Variants in MGMT observed in about 807,000 individuals in gnomAD.
The protein encoded by MGMT is O-6-methylguanine-DNA methyltransferase.
In MGMT, 14 loss-of-function variants were observed where a neutral mutation model predicts 15.9. That is an observed-to-expected ratio of 0.88 (90% CI 0.58 to 1.37). The LOEUF (loss-of-function observed/expected upper bound fraction) is 1.37. Ranked by LOEUF, MGMT falls within the 40% of genes most tolerant of loss-of-function variation. The pLI, the probability that MGMT is intolerant of heterozygous loss-of-function variation, is 0.00. For synonymous variants in MGMT, 130 were observed against 118.2 expected (o/e 1.10, Z -0.65); for missense variants, 282 against 268.1 (o/e 1.05, Z -0.36).
intron 3 of MGMT, among the ~76,000 whole-genome samples, chr10:129,724,381 G>C (rs538008525): frequency 2.0e-5 from 3 of 152,148 alleles, no homozygotes; most frequent in Non-Finnish European, 4.4e-5. Flanking sequence ...CTGCTTCTGG[G>C]GTTGTGCAGG....
At chr10:129,498,645 C>A (rs534828863) in intron 1 of MGMT, among the ~76,000 whole-genome samples, 13 of 152,256 alleles carry the variant, frequency 8.5e-5, no homozygotes, top group Admixed American at 2.0e-4. Flanking sequence ...TTGGGTTTGG[C>A]TCCTATGTCT....
At chr10:129,503,153 C>T (rs1845591713) in intron 1 of MGMT, among the ~76,000 whole-genome samples, 2 of 151,036 alleles carry the variant, frequency 1.3e-5, no homozygotes, top group African/African-American at 4.9e-5. Flanking sequence ...TTCAGGTGTG[C>T]AGCTATTTTA....
chr10:129,576,685 G>A (rs1052812558), intron 2 of MGMT, among the ~76,000 whole-genome samples: 2 of 152,172 alleles, frequency 1.3e-5, no homozygotes, highest in Non-Finnish European at 2.9e-5. Flanking sequence ...GTTCTGGCCA[G>A]GGCAATCAGG....
intron 2 of MGMT, among the ~76,000 whole-genome samples, chr10:129,595,549 G>A (rs745575938): frequency 6.6e-6 from 1 of 152,120 alleles, no homozygotes; most frequent in Non-Finnish European, 1.5e-5. Context: ...CTTCGGGGGG[G>A]TCTGACACTA....
chr10:129,485,208 T>A (rs1845396205), intron 1 of MGMT, among the ~76,000 whole-genome samples: 1 of 152,194 alleles, frequency 6.6e-6, no homozygotes, highest in Non-Finnish European at 1.5e-5. Context: ...CCACAGGGAC[T>A]CTTCTGGAGA....
At chr10:129,620,014 T>C (rs1484523708) in intron 2 of MGMT, among the ~76,000 whole-genome samples, 3 of 152,228 alleles carry the variant, frequency 2.0e-5, no homozygotes, top group Non-Finnish European at 4.4e-5. Flanking sequence ...GGCACTAAAT[T>C]TCCCTGTAGG....
intron 1 of MGMT, among the ~76,000 whole-genome samples, chr10:129,511,345 C>CCAGACA (rs1845681597): frequency 6.6e-6 from 1 of 151,004 alleles, no homozygotes; most frequent in South Asian, 2.1e-4. Context: ...CCATCTGCAG[C>CCAGACA]CAGACACAGA....
At chr10:129,631,147 C>A (rs963020384) in intron 2 of MGMT, among the ~76,000 whole-genome samples, 9 of 150,892 alleles carry the variant, frequency 6.0e-5, no homozygotes, top group Non-Finnish European at 7.4e-5. Context: ...TGAAACCAGT[C>A]TGCTTTTTTT....
At chr10:129,764,706 A>C (rs1848913422) in intron 4 of MGMT, among the ~76,000 whole-genome samples, 1 of 152,208 alleles carries the variant, frequency 6.6e-6, no homozygotes, top group Non-Finnish European at 1.5e-5. Context: ...GTGGAGTCGG[A>C]GTGATACCCG....
chr10:129,554,903 T>C (rs1264975387), intron 2 of MGMT, among the ~76,000 whole-genome samples: 1 of 152,162 alleles, frequency 6.6e-6, no homozygotes, highest in Admixed American at 6.6e-5. Flanking sequence ...TCCTCTACTT[T>C]ACAGCTATAA....
rs869050971 is a variant in MGMT, at chr10:129,638,438, AAAAAAAAG to A, written c.126-69449_126-69442del. On this transcript the variant is annotated intron_variant, in intron 2 of 4. Transcript: ENST00000651593. ...GAGAGGACCAAAGAGGCAAAAAAAA[AAAAAAAAG>A]AAAAAAAAAAGAAAAATAACTGACG... is the stretch of plus-strand genomic sequence containing the variant. Among the ~76,000 whole-genome samples, 9 of 121,260 alleles carry A rather than the reference AAAAAAAAG, an allele frequency of 7.4e-5. 1 individual carries two copies. Among genetic ancestry groups the A allele is most frequent in the South Asian group, 3.0e-4 (1 of 3,326 alleles). The allele number at this position is 121,260 out of a possible 152,430, so 79.6% of individuals were successfully genotyped here. A position where few individuals can be genotyped will look rare whatever the true frequency, so the allele number is the denominator to read the frequency against.
chr10:129,749,822 C>T (rs965146153), intron 3 of MGMT, among the ~76,000 whole-genome samples: 2 of 152,112 alleles, frequency 1.3e-5, no homozygotes, highest in Admixed American at 6.6e-5. Flanking sequence ...ATTCTAAAAG[C>T]CATTGTAATC....
chr10:129,507,101 A>G (rs1448706273), intron 1 of MGMT, among the ~76,000 whole-genome samples: 1 of 152,034 alleles, frequency 6.6e-6, no homozygotes, highest in African/African-American at 2.4e-5. Flanking sequence ...GTGGAGAGCT[A>G]GGTGAAAATG....
chr10:129,546,122 T>C (rs1304417928), intron 2 of MGMT, among the ~76,000 whole-genome samples: 1 of 152,280 alleles, frequency 6.6e-6, no homozygotes, highest in Non-Finnish European at 1.5e-5. Context: ...TACTCGCTCA[T>C]TCTCTAAACG....
At chr10:129,535,280 C>T (rs578186381) in intron 1 of MGMT, among the ~76,000 whole-genome samples, 1 of 152,106 alleles carries the variant, frequency 6.6e-6, no homozygotes, top group African/African-American at 2.4e-5. Flanking sequence ...TAGCAAGACC[C>T]AGTGCCTAAG....
intron 3 of MGMT, among the ~76,000 whole-genome samples, chr10:129,729,596 A>G (rs1050251517): frequency 6.6e-6 from 1 of 152,220 alleles, no homozygotes; most frequent in African/African-American, 2.4e-5. Flanking sequence ...TGATACTGAG[A>G]TTAATCCCCA....
At chr10:129,710,134 C>T (rs1485171877) in intron 3 of MGMT, among the ~76,000 whole-genome samples, 1 of 152,188 alleles carries the variant, frequency 6.6e-6, no homozygotes, top group East Asian at 1.9e-4. Flanking sequence ...CCACGCCAGG[C>T]CAGGCTGCTT....
chr10:129,633,150 C>T (rs1847229778), intron 2 of MGMT, among the ~76,000 whole-genome samples: 1 of 152,178 alleles, frequency 6.6e-6, no homozygotes, highest in African/African-American at 2.4e-5. Flanking sequence ...TGTTAAAACC[C>T]TTCTCAGTAC....
chr10:129,696,889 T>C (rs1848038929), intron 2 of MGMT, among the ~76,000 whole-genome samples: 1 of 152,208 alleles, frequency 6.6e-6, no homozygotes, highest in Admixed American at 6.5e-5. Flanking sequence ...TGTTGTGGCC[T>C]GAATCACTCC....
Sources: gnomAD v4.1 joint callset for allele counts (sites outside exome capture counted in the v4.1 genomes callset) on GRCh38, gnomAD v4.1.1 for gene constraint, MANE v1.5 for transcripts, NCBI Gene and HGNC (gene_info 2026-07-23, HGNC 2026-07-21) for gene names.